OMD: variants seen among roughly 807,000 people sequenced by gnomAD.
OMD encodes the protein osteomodulin, also known as KSPG osteomodulin.
A neutral mutation model predicts 31.2 loss-of-function variants in OMD; 19 were observed. That is an observed-to-expected ratio of 0.61 (90% CI 0.42 to 0.89). The LOEUF (loss-of-function observed/expected upper bound fraction) is 0.89. Ranked by LOEUF, OMD falls within the 40% of genes least tolerant of loss-of-function variation. The probability of loss-of-function intolerance (pLI) is 0.00; values close to 1 mark genes in which losing one functional copy is unlikely to be tolerated. For synonymous variants in OMD, 155 were observed against 166.4 expected (o/e 0.93, Z 0.53); for missense variants, 448 against 490.8 (o/e 0.91, Z 0.82).
In OMD at chr9:92,416,957, G is replaced by T; in HGVS notation, c.602C>A (p.Ser201Tyr). The change falls in exon 2 of 3, where the codon TCT becomes TAT. Residue 201 changes from serine to tyrosine, a missense_variant. Transcript: ENST00000375550. ...LDLCYNYLHD[S>Y]LLKDKIFAKM... is the part of the protein sequence containing the mutation. Reference sequence around the variant, plus strand: ...GGCAAAGATTTTGTCTTTTAGCAGAGAATCATGAAGATAATTATAACAGAG... The same window carrying T: ...GGCAAAGATTTTGTCTTTTAGCAGATAATCATGAAGATAATTATAACAGAG... The T allele has an allele frequency of 6.2e-7, 1 of 1,613,888 alleles. No individual in the cohort carries two copies. The highest frequency in any genetic ancestry group is 8.5e-7 in the Non-Finnish European group (1 of 1,179,920).
At chr9:92,423,796 C>A (rs985457341) in intron 1 of OMD, among the ~76,000 whole-genome samples, 1 of 152,108 alleles carries the variant, frequency 6.6e-6, no homozygotes, top group Admixed American at 6.6e-5. Flanking sequence ...AAATGCCCAT[C>A]AACCCCCCAA....
Position 92,416,687 on chromosome 9 carries a change from T to A in OMD, c.872A>T (p.Lys291Ile), listed in dbSNP as rs1307036913. 1 of 1,611,608 alleles carries A rather than the reference T, an allele frequency of 6.2e-7. No homozygotes were observed. Among genetic ancestry groups the A allele is most frequent in the South Asian group, 1.1e-5 (1 of 90,432 alleles). Reference protein sequence around the residue: ...NIVELSVGHNKLKQAFYIPRN... With the variant: ...NIVELSVGHNILKQAFYIPRN... ...TGGAATATAGAATGCTTGCTTCAAT[T>A]TGTTGTGTCCAACACTGAGTTCTAC... Residue 291 changes from lysine (K) to isoleucine (I), a missense_variant, in exon 2 of 3, where the codon AAA becomes ATA. Transcript: ENST00000375550.
intron 2 of OMD, among the ~76,000 whole-genome samples, chr9:92,416,056 G>GTATATATATATATATA (rs1403964887): frequency 2.4e-5 from 2 of 83,452 alleles, no homozygotes; most frequent in African/African-American, 6.6e-5. Flanking sequence ...TTATATATGT[G>GTATATATATATATATA]TGTATATATA....
At position 92,417,545 on chromosome 9, in the gene OMD, C is replaced by A; in HGVS notation, c.14G>T (p.Ser5Ile). ...AAAGAAGAAAATAACATATATTGGA[C>A]TTAAAAAACCCATCTTCTTTTTTTT... MGFL[S>I]PIYVIFFFFG... The change falls in exon 2 of 3, where the codon AGT (serine) becomes ATT (isoleucine). Residue 5 changes from serine (S) to isoleucine (I), a missense_variant. Physicochemically the swap from Ser to Ile is moderately radical, Grantham distance 142 (BLOSUM62 -2). Coordinates refer to ENST00000375550, the MANE Select transcript of OMD (RefSeq NM_005014.3). 7 of 1,564,028 alleles carry A rather than the reference C, an allele frequency of 4.5e-6. No homozygotes were observed. Among genetic ancestry groups the A allele is most frequent in the Non-Finnish European group, 6.0e-6 (7 of 1,159,982 alleles).
chr9:92,416,502 A>G lies in OMD; in HGVS notation c.940+117T>C, dbSNP rs528110868. The G allele has an allele frequency of 2.3e-5, 15 of 651,164 alleles. No homozygotes were observed. In the Admixed American group the frequency reaches 3.3e-4, roughly 14 times the overall value. 40.3% of individuals were successfully genotyped at this position (651,164 alleles called of 1,614,324 possible). On this transcript the variant is annotated intron_variant, in intron 2 of 2. Transcript: ENST00000375550. ...GCAGATTTCTGCCATTCCCTTAAGC[A>G]ACTTCAAAACAACTATTTTCAGCAA...
chr9:92,418,390 AT>A (rs959049639), intron 1 of OMD, among the ~76,000 whole-genome samples: 6,076 of 145,188 alleles, frequency 0.042, 137 homozygotes, highest in Middle Eastern at 0.063. Flanking sequence ...CCTGGCCGAG[AT>A]TTTTTTTTTT....
chr9:92,424,010 C>T (rs1319295948), intron 1 of OMD, among the ~76,000 whole-genome samples, 192 bp downstream of exon 1: 1 of 151,980 alleles, frequency 6.6e-6, no homozygotes, highest in Admixed American at 6.6e-5. Flanking sequence ...AAGTTAAACT[C>T]ATTATACTAC....
rs949007899 is a variant in OMD, at chr9:92,415,886, C to CT, written c.941-410dup. Among the ~76,000 whole-genome samples, 274 of 134,034 alleles carry CT rather than the reference C, an allele frequency of 2.0e-3. 2 individuals carry two copies. Among genetic ancestry groups the CT allele is most frequent in the African/African-American group, 2.5e-3 (92 of 36,856 alleles). 87.9% of individuals were successfully genotyped at this position (134,034 alleles called of 152,430 possible). ...AAAATTATATATTTCTTCTTTTTTT[C>CT]TTTTTTTTTTTCCTGTTGCAAGGAG... On this transcript the variant is annotated intron_variant, in intron 2 of 2. Transcript: ENST00000375550.
In OMD at chr9:92,412,975, CTTTTTTTTT is replaced by C. The variant is rs35323105; in HGVS notation, c.*2168_*2176del. Among the ~76,000 whole-genome samples the C allele has an allele frequency of 8.8e-5, 4 of 45,244 alleles. No individual in the cohort carries two copies. The highest frequency in any genetic ancestry group is 5.5e-4 in the East Asian group (1 of 1,814). The allele number at this position is 45,244 out of a possible 152,430, so 29.7% of individuals were successfully genotyped here. On this transcript the variant is annotated 3_prime_UTR_variant, in exon 3 of 3. Coordinates refer to ENST00000375550, the MANE Select transcript of OMD (RefSeq NM_005014.3). ...AATCGCTGGGTTATATGTAACTAAG[CTTTTTTTTT>C]TTTTTTTTTTTTTTTTTGATATGGA...
intron 1 of OMD, among the ~76,000 whole-genome samples, chr9:92,422,671 C>T (rs1410811590): frequency 6.6e-6 from 1 of 152,200 alleles, no homozygotes; most frequent in Non-Finnish European, 1.5e-5. Context: ...ACAATCTTGT[C>T]CCACTCCCTT....
At chr9:92,420,648 T>G (rs1843762485) in intron 1 of OMD, among the ~76,000 whole-genome samples, 1 of 151,406 alleles carries the variant, frequency 6.6e-6, no homozygotes, top group Non-Finnish European at 1.5e-5. Flanking sequence ...CTTGCTTCTT[T>G]TTTTTAAGTC....
rs1283089062 is a variant in OMD, at chr9:92,415,394, G to A, written c.1024C>T (p.Leu342=). 1 of 1,613,496 alleles carries A rather than the reference G, an allele frequency of 6.2e-7. No individual in the cohort carries two copies. The highest frequency in any genetic ancestry group is 8.5e-7 in the Non-Finnish European group (1 of 1,179,696). Residue 342 remains leucine (L), a synonymous_variant, in exon 3 of 3, where the codon CTA becomes TTA. Coordinates refer to ENST00000375550, the MANE Select transcript of OMD (RefSeq NM_005014.3). ...ATGTATGAGCTTATTGGTTCTTTTA[G>A]TTTATTTTGGTCCACACGAATGTAT... ...LTYIRVDQNK[L]KEPISSYIFF...
In OMD at chr9:92,415,182, A is replaced by G; in HGVS notation, c.1236T>C (p.Phe412=). The change falls in exon 3 of 3, where the codon TTT becomes TTC. Residue 412 remains phenylalanine (F), a synonymous_variant. Coordinates refer to ENST00000375550, the MANE Select transcript of OMD (RefSeq NM_005014.3). The part of the protein sequence containing the change: ...SPEQEGAEGH[F]DLHYYENQE ...CTTGATTTTCATAATAATGAAGGTC[A>G]AAGTGCCCTTCTGCTCCTTCTTGTT... 6.2e-7 allele frequency: 1 copy of G among 1,610,664 alleles called. No homozygotes were observed. The highest frequency in any genetic ancestry group is 8.5e-7 in the Non-Finnish European group (1 of 1,179,070).
chr9:92,417,172 A>T lies in OMD; in HGVS notation c.387T>A (p.Ser129=), dbSNP rs1843639461. ...CAAACACACCATAATCAATCTTTTG[A>T]GATTTAATTTTGTTGTGGCTGAGGT... The part of the protein sequence containing the change: ...EINLSHNKIK[S]QKIDYGVFAK... Residue 129 remains serine, a synonymous_variant, in exon 2 of 3, where the codon TCT becomes TCA. Transcript: ENST00000375550. 3 of 1,613,878 alleles carry T rather than the reference A, an allele frequency of 1.9e-6. No individual in the cohort carries two copies. Among genetic ancestry groups the T allele is most frequent in the African/African-American group, 1.3e-5 (1 of 75,062 alleles).
Position 92,416,718 on chromosome 9 carries a change from T to A in OMD, c.841A>T (p.Asn281Tyr). The A allele has an allele frequency of 6.2e-7, 1 of 1,613,780 alleles. No individual in the cohort carries two copies. Among genetic ancestry groups the A allele is most frequent in the Non-Finnish European group, 8.5e-7 (1 of 1,179,784 alleles). ...DIPYNIFNLP[N>Y]IVELSVGHNK... ...TGTCCAACACTGAGTTCTACAATGT[T>A]GGGAAGATTAAAAATATTATATGGG... is the stretch of plus-strand genomic sequence containing the variant. The change falls in exon 2 of 3, where the codon AAC (asparagine) becomes TAC (tyrosine). Residue 281 changes from asparagine (N) to tyrosine (Y), a missense_variant. Physicochemically the swap from Asn to Tyr is moderately radical, Grantham distance 143. Transcript: ENST00000375550.
chr9:92,424,060 C>CT (rs759311170), intron 1 of OMD, 142 bp downstream of exon 1: 2 of 151,990 alleles, frequency 1.3e-5, no homozygotes, highest in East Asian at 3.9e-4. Flanking sequence ...TTTAACATAA[C>CT]TTTTTTACCA....
At chr9:92,418,451 A>G (rs567748620) in intron 1 of OMD, among the ~76,000 whole-genome samples, 31 of 151,704 alleles carry the variant, frequency 2.0e-4, no homozygotes, top group Admixed American at 2.0e-3. Context: ...GGTATACTAG[A>G]CTTTCTACTA....
intron 2 of OMD, 90 bp downstream of exon 2, chr9:92,416,529 G>A (rs1843617611): frequency 2.4e-6 from 2 of 846,542 alleles, no homozygotes; most frequent in Non-Finnish European, 3.5e-6. Context: ...TTTCAGCAAT[G>A]TCTAAAGCAT....
Position 92,415,096 on chromosome 9 carries a change from A to C in OMD, c.*56T>G. On this transcript the variant is annotated 3_prime_UTR_variant, in exon 3 of 3. Transcript: ENST00000375550. ...GAGTAATACATGTTTACTTAGATTTACTATATTAAGTATAGGTTTTGTGAA... is the reference window on the plus strand; with the variant it reads ...GAGTAATACATGTTTACTTAGATTTCCTATATTAAGTATAGGTTTTGTGAA... 7.9e-7 allele frequency: 1 copy of C among 1,271,822 alleles called. No individual in the cohort carries two copies. The highest frequency in any genetic ancestry group is 1.1e-6 in the Non-Finnish European group (1 of 918,716). 78.8% of individuals were successfully genotyped at this position (1,271,822 alleles called of 1,614,324 possible). A position where few individuals can be genotyped will look rare whatever the true frequency, so the allele number is the denominator to read the frequency against.
Sources: allele counts gnomAD v4.1 joint callset (sites outside exome capture counted in the v4.1 genomes callset), GRCh38; gene constraint gnomAD v4.1.1; transcripts MANE v1.5; gene names NCBI Gene and HGNC (gene_info 2026-07-23, HGNC 2026-07-21).